NUAK1: variants seen among roughly 807,000 people sequenced by gnomAD.
NUAK1 encodes the protein NUAK family kinase 1, also known as NUAK family SNF1-like kinase 1.
Under a neutral mutation model 56.9 loss-of-function variants are expected in NUAK1, and 26 were observed. That is an observed-to-expected ratio of 0.46 (90% CI 0.33 to 0.63). NUAK1 has a LOEUF of 0.63. Ranked by LOEUF, NUAK1 falls within the 30% of genes least tolerant of loss-of-function variation. NUAK1 has a pLI of 0.02. For synonymous variants in NUAK1, 337 were observed against 336.0 expected (o/e 1.00, Z -0.03); for missense variants, 727 against 876.1 (o/e 0.83, Z 2.15).
In NUAK1 at chr12:106,072,824, G is replaced by C; in HGVS notation, c.599C>G (p.Ser200Cys). 6.2e-7 allele frequency: 1 copy of C among 1,614,060 alleles called. No individual in the cohort carries two copies. Among genetic ancestry groups the C allele is most frequent in the Non-Finnish European group, 8.5e-7 (1 of 1,179,942 alleles). ...CNIKIADFGL[S>C]NLYQKDKFLQ... ...GAACTTATCCTTCTGGTACAGGTTG[G>C]AAAGCCCAAAGTCAGCAATCTACAA... Residue 200 changes from serine (S) to cysteine (C), a missense_variant, in exon 5 of 7, where the codon TCC (serine) becomes TGC (cysteine). Physicochemically the swap from Ser to Cys is moderately radical, Grantham distance 112. Coordinates refer to ENST00000261402, the MANE Select transcript of NUAK1 (RefSeq NM_014840.3).
intron 4 of NUAK1, among the ~76,000 whole-genome samples, chr12:106,073,368 CT>C (rs1451475647): frequency 6.6e-6 from 1 of 152,100 alleles, no homozygotes; most frequent in Non-Finnish European, 1.5e-5. Context: ...TGTATTTTGC[CT>C]GTCTTGTGAC....
chr12:106,092,558 GAAT>G (rs1205653825), intron 2 of NUAK1, among the ~76,000 whole-genome samples: 1 of 152,130 alleles, frequency 6.6e-6, no homozygotes, highest in Non-Finnish European at 1.5e-5. Flanking sequence ...ATGTTTGTGA[GAAT>G]AATCTACGTT....
chr12:106,088,227 T>G (rs1178657378), intron 2 of NUAK1, among the ~76,000 whole-genome samples: 1 of 152,200 alleles, frequency 6.6e-6, no homozygotes, highest in Non-Finnish European at 1.5e-5. Context: ...TAAGCAATAT[T>G]TGTTTTGAAA....
intron 1 of NUAK1, among the ~76,000 whole-genome samples, chr12:106,129,000 A>C (rs2033051577): frequency 6.6e-6 from 1 of 152,260 alleles, no homozygotes; most frequent in South Asian, 2.1e-4. Context: ...TTTTGCATCT[A>C]AACCTTGCAC....
intron 4 of NUAK1, among the ~76,000 whole-genome samples, chr12:106,074,969 C>T (rs960403406): frequency 1.3e-5 from 2 of 152,112 alleles, no homozygotes; most frequent in African/African-American, 4.8e-5. Flanking sequence ...GGAATGGCTA[C>T]GCACAGGAAA....
intron 2 of NUAK1, chr12:106,104,348 G>A (rs1332674735): frequency 6.6e-6 from 1 of 152,336 alleles, no homozygotes. Context: ...TTACAGGCGT[G>A]AGCCATCATG....
rs942427061 is a variant in NUAK1, at chr12:106,138,684, G to A, written c.-31C>T. ...AGCGCGGGGCGAGCCGGGCTACAGA[G>A]GGCAAGACCGGGCACAGCGCTGGGA... On this transcript the variant is annotated 5_prime_UTR_variant, in exon 1 of 7. Coordinates refer to ENST00000261402, the MANE Select transcript of NUAK1 (RefSeq NM_014840.3). The surrounding 1 kb of genome is among the most constrained non-coding windows in gnomAD (Gnocchi z 5.0). 1.0e-5 allele frequency: 15 copies of A among 1,474,766 alleles called. No homozygotes were observed. The East Asian group carries it at 3.4e-4, about 33-fold the overall frequency. The allele number at this position is 1,474,766 out of a possible 1,614,324, so 91.4% of individuals were successfully genotyped here. A position where few individuals can be genotyped will look rare whatever the true frequency, so the allele number is the denominator to read the frequency against.
chr12:106,072,778 A>C lies in NUAK1; in HGVS notation c.645T>G (p.Ser215Arg). The change falls in exon 5 of 7, where the codon AGT becomes AGG. Residue 215 changes from serine (S) to arginine (R), a missense_variant. Coordinates refer to ENST00000261402, the MANE Select transcript of NUAK1 (RefSeq NM_014840.3). ...CAATCTCAGGAGATGCATAGAGTGG[A>C]CTCCCACAAAACGTTTGTAAGAACT... ...KDKFLQTFCGSPLYASPEIVN... is the reference protein window; with the variant it reads ...KDKFLQTFCGRPLYASPEIVN... The C allele has an allele frequency of 6.2e-7, 1 of 1,613,708 alleles. No individual in the cohort carries two copies. The highest frequency in any genetic ancestry group is 2.2e-5 in the East Asian group (1 of 44,860).
At chr12:106,106,206 A>G in intron 2 of NUAK1, 199 bp downstream of exon 2, 1 of 444,102 alleles carries the variant, frequency 2.3e-6, no homozygotes, top group South Asian at 5.2e-5. Context: ...GAGATATTTT[A>G]TGACCAAAAT....
chr12:106,109,952 G>A (rs1194419568), intron 1 of NUAK1, among the ~76,000 whole-genome samples: 1 of 152,084 alleles, frequency 6.6e-6, no homozygotes, highest in Non-Finnish European at 1.5e-5. Context: ...AATTCCTCCT[G>A]GCTCCTCAAG....
chr12:106,071,647 T>C lies in NUAK1; in HGVS notation c.700-741A>G, dbSNP rs578131711. On this transcript the variant is annotated intron_variant, in intron 5 of 6. Transcript: ENST00000261402. ...TTTAATAAAAACTAAGGTGGCCAAA[T>C]AAAGGAGTTTGCTGACCAGATCACA... 3.3e-5 allele frequency among the ~76,000 whole-genome samples: 5 copies of C among 152,278 alleles called. No individual in the cohort carries two copies. The South Asian group carries it at 1.0e-3, about 32-fold the overall frequency.
chr12:106,131,891 G>A (rs1177448907), intron 1 of NUAK1, among the ~76,000 whole-genome samples: 1 of 152,132 alleles, frequency 6.6e-6, no homozygotes, highest in Non-Finnish European at 1.5e-5. Flanking sequence ...GGGTCATCAG[G>A]CCCAGCCCCT....
At chr12:106,116,750 G>T (rs529183330) in intron 1 of NUAK1, among the ~76,000 whole-genome samples, 1 of 152,326 alleles carries the variant, frequency 6.6e-6, no homozygotes, top group Admixed American at 6.5e-5. Flanking sequence ...AGGCCCCATC[G>T]AGGCCGCACT....
At chr12:106,110,880 C>T (rs963469962) in intron 1 of NUAK1, among the ~76,000 whole-genome samples, 1 of 152,256 alleles carries the variant, frequency 6.6e-6, no homozygotes, top group Non-Finnish European at 1.5e-5. Flanking sequence ...AATTCTGTTA[C>T]ATGCAACAGG....
chr12:106,104,282 T>G lies in NUAK1; in HGVS notation c.361+2123A>C, dbSNP rs557257414. 2.0e-5 allele frequency: 3 copies of G among 152,342 alleles called. No individual in the cohort carries two copies. In the East Asian group the frequency reaches 5.8e-4, roughly 29 times the overall value. 9.4% of individuals were successfully genotyped at this position (152,342 alleles called of 1,614,324 possible). A position where few individuals can be genotyped will look rare whatever the true frequency, so the allele number is the denominator to read the frequency against. On this transcript the variant is annotated intron_variant, in intron 2 of 6. Transcript: ENST00000261402. ...GGTTTCACCATGTTGGCCGGGCTGG[T>G]CTCAAACTCCTGACCTCAAGTGATC...
chr12:106,067,724 G>T lies in NUAK1; in HGVS notation c.1064C>A (p.Pro355His). 1 of 1,614,194 alleles carries T rather than the reference G, an allele frequency of 6.2e-7. No individual in the cohort carries two copies. The highest frequency in any genetic ancestry group is 8.5e-7 in the Non-Finnish European group (1 of 1,180,028). ...TEAKMKGLAK[P>H]TTSEVMLERQ... The stretch of plus-strand genomic sequence containing the variant: ...CTCTAGCATGACCTCAGAGGTCGTG[G>T]GTTTGGCCAGGCCCTTCATTTTGGC... The change falls in exon 7 of 7, where the codon CCC becomes CAC. Residue 355 changes from proline to histidine, a missense_variant. Pro to His is a moderately conservative substitution (Grantham distance 77). Transcript: ENST00000261402. This position sits in a 1 kb window ranked among gnomAD's most constrained non-coding sequence, Gnocchi z 6.0.
rs2032577047 is a variant in NUAK1 at position 106,086,893 on chromosome 12, G to A, written c.362-8C>T. ...TATCTTTGTTCTCAAACACTGCAGA[G>A]GGAAAACAGCAATACACAAACACCC... On this transcript the variant is annotated splice_region_variant and splice_polypyrimidine_tract_variant and intron_variant, in intron 2 of 6. Transcript: ENST00000261402. 2 of 1,610,144 alleles carry A rather than the reference G, an allele frequency of 1.2e-6. No individual in the cohort carries two copies. Among genetic ancestry groups the A allele is most frequent in the South Asian group, 2.2e-5 (2 of 90,896 alleles).
intron 2 of NUAK1, among the ~76,000 whole-genome samples, chr12:106,100,364 A>G (rs1451486790): frequency 6.6e-6 from 1 of 151,822 alleles, no homozygotes; most frequent in Non-Finnish European, 1.5e-5. Context: ...TTCTACCCAT[A>G]TAAGTGCCTT....
chr12:106,086,351 A>T (rs1483825867), intron 3 of NUAK1, among the ~76,000 whole-genome samples: 2 of 152,218 alleles, frequency 1.3e-5, no homozygotes, highest in Non-Finnish European at 2.9e-5. Context: ...GAAAAAGGTC[A>T]TTGGTGTCTC....
Sources: gnomAD v4.1 joint callset for allele counts (sites outside exome capture counted in the v4.1 genomes callset) on GRCh38, gnomAD v4.1.1 for gene constraint, Gnocchi (gnomAD v3.1) non-coding constraint, MANE v1.5 for transcripts, NCBI Gene and HGNC (gene_info 2026-07-23, HGNC 2026-07-21) for gene names.